The following CNIH3 variants were observed in gnomAD, a reference collection of about 807,000 sequenced individuals.
The protein encoded by CNIH3 is protein cornichon homolog 3.
In CNIH3, 14 loss-of-function variants were observed where a neutral mutation model predicts 24.1. That is an observed-to-expected ratio of 0.58 (90% confidence interval 0.38 to 0.91). CNIH3 has a LOEUF of 0.91. CNIH3 is among the 40% of genes least tolerant of loss of function. CNIH3 has a pLI of 0.00. For missense variants in CNIH3, 178 were observed against 196.8 expected (o/e 0.90, Z 0.57); for synonymous variants, 68 against 73.8 (o/e 0.92, Z 0.40).
chr1:224,624,052 A>G (rs1683403855), intron 1 of CNIH3, among the ~76,000 whole-genome samples: 1 of 152,238 alleles, frequency 6.6e-6, no homozygotes, highest in East Asian at 1.9e-4. Context: ...CTCTGCATCC[A>G]CCACTCAGAA....
intron 5 of CNIH3, among the ~76,000 whole-genome samples, chr1:224,587,606 G>C (rs368825329): frequency 1.5e-4 from 23 of 152,268 alleles, no homozygotes; most frequent in African/African-American, 5.1e-4. Context: ...AAAAATTTAA[G>C]ATCTGTGTGG....
intron 1 of CNIH3, among the ~76,000 whole-genome samples, chr1:224,617,465 G>C (rs1054552124): frequency 6.6e-6 from 1 of 152,108 alleles, no homozygotes; most frequent in African/African-American, 2.4e-5. Context: ...CTGGTGCCCA[G>C]GTAGGACACC....
chr1:224,662,979 C>CAGA (rs1380369837), intron 1 of CNIH3, among the ~76,000 whole-genome samples: 3 of 152,108 alleles, frequency 2.0e-5, no homozygotes, highest in Non-Finnish European at 4.4e-5. Flanking sequence ...GACAGCACCA[C>CAGA]AGAAGAACAT....
chr1:224,666,338 G>A (rs1209255738), intron 1 of CNIH3, among the ~76,000 whole-genome samples: 3 of 152,216 alleles, frequency 2.0e-5, no homozygotes, highest in Non-Finnish European at 4.4e-5. Flanking sequence ...TCTGGTAAGG[G>A]TTCCAGCAGG....
Position 224,704,092 on chromosome 1 carries a change from A to G in CNIH3, c.198+19249A>G, listed in dbSNP as rs542635902. On this transcript the variant is annotated intron_variant, in intron 3 of 5. Transcript: ENST00000272133. The surrounding 1 kb of genome is among the most constrained non-coding windows in gnomAD (Gnocchi z 4.2). Reference sequence around the variant, plus strand: ...TTCAGGAGGTAGGGGCATGGACCACACCAGTGCACACTGCAGGTAGTAAGG... The same window carrying G: ...TTCAGGAGGTAGGGGCATGGACCACGCCAGTGCACACTGCAGGTAGTAAGG... Among the ~76,000 whole-genome samples the G allele has an allele frequency of 6.7e-6, 1 of 149,540 alleles. No individual in the cohort carries two copies. Among genetic ancestry groups the G allele is most frequent in the African/African-American group, 2.6e-5 (1 of 38,978 alleles).
chr1:224,672,884 C>CA (rs1685937828), intron 1 of CNIH3, among the ~76,000 whole-genome samples: 2 of 152,170 alleles, frequency 1.3e-5, no homozygotes, highest in Admixed American at 6.5e-5. Flanking sequence ...GACCTGTAGT[C>CA]AGAGTTTCTA....
intron 4 of CNIH3, among the ~76,000 whole-genome samples, chr1:224,577,449 G>A (rs1001382151): frequency 1.3e-5 from 2 of 151,832 alleles, no homozygotes; most frequent in Admixed American, 6.6e-5. Flanking sequence ...TGCCCAACAC[G>A]AAAAAATGCT....
intron 4 of CNIH3, among the ~76,000 whole-genome samples, chr1:224,732,645 TCTC>T (rs1351747531): frequency 3.3e-5 from 5 of 152,140 alleles, no homozygotes; most frequent in African/African-American, 4.8e-5. Context: ...GGCTGGCTCT[TCTC>T]CTCCAGGAAA....
intron 3 of CNIH3, among the ~76,000 whole-genome samples, chr1:224,610,401 T>G (rs1682634703): frequency 6.6e-6 from 1 of 152,182 alleles, no homozygotes; most frequent in African/African-American, 2.4e-5. Flanking sequence ...CCTGCTATTC[T>G]CCTGATAGTG....
At chr1:224,594,707 C>A (rs1681905776) in intron 3 of CNIH3, among the ~76,000 whole-genome samples, 1 of 152,154 alleles carries the variant, frequency 6.6e-6, no homozygotes, top group South Asian at 2.1e-4. Context: ...GCTTTGGGCT[C>A]TCTAGGGATG....
At chr1:224,607,224 A>T (rs1356762320) in intron 3 of CNIH3, among the ~76,000 whole-genome samples, 1 of 152,130 alleles carries the variant, frequency 6.6e-6, no homozygotes, top group Non-Finnish European at 1.5e-5. Flanking sequence ...AAATAAAAGA[A>T]AATGGTGGGA....
intron 3 of CNIH3, among the ~76,000 whole-genome samples, chr1:224,728,146 C>G (rs550649331): frequency 1.3e-5 from 2 of 152,222 alleles, no homozygotes; most frequent in Non-Finnish European, 2.9e-5. Flanking sequence ...TTCAGGCCCA[C>G]GGTGGCTGTC....
downstream of CNIH3, among the ~76,000 whole-genome samples, chr1:224,538,493 T>C (rs1242987029): frequency 6.6e-6 from 1 of 152,092 alleles, no homozygotes; most frequent in Non-Finnish European, 1.5e-5. Flanking sequence ...TTGCTATATA[T>C]ACAGGTAGCA....
At chr1:224,521,533 G>A (rs1360905759) in intron 2 of CNIH3, 4 of 152,306 alleles carry the variant, frequency 2.6e-5, no homozygotes, top group South Asian at 2.1e-4. Flanking sequence ...CATGATCTGA[G>A]CCCGGTCAGT....
chr1:224,506,448 A>G (rs6676481), intron 1 of CNIH3, among the ~76,000 whole-genome samples: 13,957 of 152,128 alleles, frequency 0.092, 1,950 homozygotes, highest in African/African-American at 0.3. Flanking sequence ...GCCCTGCTCG[A>G]TGCCACCCTC....
chr1:224,619,168 G>T (rs1331351391), intron 1 of CNIH3, among the ~76,000 whole-genome samples: 1 of 152,220 alleles, frequency 6.6e-6, no homozygotes, highest in Non-Finnish European at 1.5e-5. Context: ...GGTCCCTGAA[G>T]CAGAGCAAGT....
rs6704298 is a variant in CNIH3, at chr1:224,654,962, T to C, written c.82-25996T>C. Among the ~76,000 whole-genome samples, 870 of 152,276 alleles carry C rather than the reference T, an allele frequency of 5.7e-3. 14 individuals are homozygous for C. The highest frequency in any genetic ancestry group is 0.02 in the African/African-American group (820 of 41,536). ...AGGTCTCTCTTTGGCTCGTGTATCT[T>C]TTAGGGTCCCATTAGAAAACAGATC... On this transcript the variant is annotated intron_variant, in intron 1 of 5. Transcript: ENST00000272133.
Position 224,616,621 on chromosome 1 carries a change from G to T in CNIH3, c.-554G>T. ...GGCTACCTAAAGACTCCTTCTCTCG[G>T]GAAAGAGCGCTGCCCGGCTCTGGGA... On this transcript the variant is annotated 5_prime_UTR_variant, in exon 1 of 6. Coordinates refer to ENST00000272133, the MANE Select transcript of CNIH3 (RefSeq NM_152495.2). 1 of 987,308 alleles carries T rather than the reference G, an allele frequency of 1.0e-6. No individual in the cohort carries two copies. The highest frequency in any genetic ancestry group is 1.2e-6 in the Non-Finnish European group (1 of 831,298). The allele number at this position is 987,308 out of a possible 1,614,324, so 61.2% of individuals were successfully genotyped here. A position where few individuals can be genotyped will look rare whatever the true frequency, so the allele number is the denominator to read the frequency against.
rs181680942 is a variant in CNIH3, at chr1:224,598,261, C to A, written n.402+31997C>A. Among the ~76,000 whole-genome samples the A allele has an allele frequency of 2.4e-3, 372 of 152,228 alleles. 3 individuals are homozygous for A. The highest frequency in any genetic ancestry group is 0.02 in the Middle Eastern group (6 of 294). ...AGATGTGGTGGAAATAGCAAGACAA[C>A]TAGAATCAGAAGCGGAGCCTGAAGA... On this transcript the variant is annotated intron_variant and non_coding_transcript_variant, in intron 3 of 7. Transcript: ENST00000478120.
Sources: gnomAD v4.1 joint callset for allele counts (sites outside exome capture counted in the v4.1 genomes callset) on GRCh38, gnomAD v4.1.1 for gene constraint, Gnocchi (gnomAD v3.1) non-coding constraint, MANE v1.5 for transcripts, NCBI Gene and HGNC (gene_info 2026-07-23, HGNC 2026-07-21) for gene names.